Variants in DLGAP1 observed in about 807,000 individuals in gnomAD.
The protein encoded by DLGAP1 is DLG associated protein 1.
In DLGAP1, 11 loss-of-function variants were observed where a neutral mutation model predicts 90.8. The observed-to-expected ratio is 0.12, with a 90% confidence interval of 0.08 to 0.20. The LOEUF (loss-of-function observed/expected upper bound fraction) is 0.20. Ranked by LOEUF, DLGAP1 falls within the 10% of genes least tolerant of loss-of-function variation. The pLI is 1.00. For synonymous variants in DLGAP1, 558 were observed against 540.7 expected (o/e 1.03, Z -0.44); for missense variants, 1,050 against 1,333.8 (o/e 0.79, Z 3.31).
At chr18:4,307,015 A>G (rs1368165832) in intron 1 of DLGAP1, among the ~76,000 whole-genome samples, 1 of 152,232 alleles carries the variant, frequency 6.6e-6, no homozygotes, top group Non-Finnish European at 1.5e-5. Flanking sequence ...AATCACAAGA[A>G]ACACAAATAA....
intron 1 of DLGAP1, among the ~76,000 whole-genome samples, chr18:4,162,164 T>C (rs2076857278): frequency 6.6e-6 from 1 of 152,156 alleles, no homozygotes; most frequent in African/African-American, 2.4e-5. Flanking sequence ...AATGGCAGAA[T>C]GGAACAAACT....
intron 3 of DLGAP1, among the ~76,000 whole-genome samples, chr18:3,962,655 T>C (rs1281022356): frequency 3.3e-5 from 5 of 152,180 alleles, no homozygotes; most frequent in Non-Finnish European, 7.4e-5. Flanking sequence ...TACATCACTC[T>C]TCCCATTCTT....
At chr18:4,335,064 C>G (rs542632472) in intron 1 of DLGAP1, among the ~76,000 whole-genome samples, 1 of 152,002 alleles carries the variant, frequency 6.6e-6, no homozygotes, top group East Asian at 1.9e-4. Flanking sequence ...AAGAATCTCT[C>G]TTTAAGAATT....
chr18:3,649,626 T>A (rs754589105), intron 7 of DLGAP1, among the ~76,000 whole-genome samples: 49 of 152,274 alleles, frequency 3.2e-4, no homozygotes, highest in Middle Eastern at 6.8e-3. Context: ...TTTTATTGGC[T>A]AGGACACTGA....
chr18:4,437,572 T>C (rs1055568663), intron 1 of DLGAP1, among the ~76,000 whole-genome samples: 1 of 152,236 alleles, frequency 6.6e-6, no homozygotes, highest in African/African-American at 2.4e-5. Flanking sequence ...AAAAAAAAGT[T>C]TGTCCATGTT....
Position 3,591,155 on chromosome 18 carries a change from A to ACCT in DLGAP1, c.1592-8908_1592-8907insAGG, listed in dbSNP as rs1288798157. 1.3e-3 allele frequency among the ~76,000 whole-genome samples: 196 copies of ACCT among 152,302 alleles called. 1 individual carries two copies. Among genetic ancestry groups the ACCT allele is most frequent in the Non-Finnish European group, 2.1e-3 (145 of 68,018 alleles). ...AAAAGAACATTTGCAAATCCAGGGA[A>ACCT]CAGGGCAGAGGTAGTACAAGTGAGA... On this transcript the variant is annotated intron_variant, in intron 7 of 12. Coordinates refer to ENST00000315677, the MANE Select transcript of DLGAP1 (RefSeq NM_004746.4).
chr18:4,336,732 G>A (rs571781329), intron 1 of DLGAP1, among the ~76,000 whole-genome samples: 4 of 152,044 alleles, frequency 2.6e-5, no homozygotes, highest in Admixed American at 2.0e-4. Flanking sequence ...GACATGTATC[G>A]AACAAAGGAG....
At chr18:3,666,506 C>G (rs139511205) in intron 7 of DLGAP1, among the ~76,000 whole-genome samples, 19 of 152,262 alleles carry the variant, frequency 1.2e-4, no homozygotes, top group African/African-American at 4.6e-4. Flanking sequence ...CCATGGAACA[C>G]CTACCAATCC....
chr18:3,931,318 G>A (rs1341944630), intron 3 of DLGAP1, among the ~76,000 whole-genome samples: 1 of 152,176 alleles, frequency 6.6e-6, no homozygotes, highest in African/African-American at 2.4e-5. Context: ...GCTGGTGGAA[G>A]CTGGGGAAGG....
At chr18:4,432,492 A>ATTT (rs1567918095) in intron 1 of DLGAP1, among the ~76,000 whole-genome samples, 2 of 151,336 alleles carry the variant, frequency 1.3e-5, no homozygotes, top group Admixed American at 6.6e-5. Flanking sequence ...AAATTTTTTT[A>ATTT]AAAATTATAT....
intron 11 of DLGAP1, among the ~76,000 whole-genome samples, chr18:3,508,159 T>G (rs1463289417): frequency 6.6e-6 from 1 of 152,196 alleles, no homozygotes; most frequent in Non-Finnish European, 1.5e-5. Context: ...GAACTCAGAT[T>G]AGGAAATAGT....
chr18:3,527,759 T>G (rs2051740005), intron 10 of DLGAP1, among the ~76,000 whole-genome samples: 1 of 151,826 alleles, frequency 6.6e-6, no homozygotes, highest in Non-Finnish European at 1.5e-5. Context: ...CCTGCCTAAT[T>G]AAAAAAATAT....
chr18:3,736,934 G>T (rs866515622), intron 6 of DLGAP1, among the ~76,000 whole-genome samples: 1 of 149,456 alleles, frequency 6.7e-6, no homozygotes, highest in African/African-American at 2.5e-5. Flanking sequence ...AATGATAAAG[G>T]GGATATCACC....
At chr18:4,408,823 C>T (rs973483699) in intron 1 of DLGAP1, among the ~76,000 whole-genome samples, 1 of 152,062 alleles carries the variant, frequency 6.6e-6, no homozygotes, top group Admixed American at 6.6e-5. Context: ...AAATCATATA[C>T]TCAAAAGCAG....
chr18:3,954,354 C>T (rs912823900), intron 3 of DLGAP1, among the ~76,000 whole-genome samples: 2 of 152,094 alleles, frequency 1.3e-5, no homozygotes, highest in Admixed American at 1.3e-4. Flanking sequence ...TACTAAGCTG[C>T]CAAAACAGGA....
chr18:4,364,589 G>C (rs980469858), intron 1 of DLGAP1, among the ~76,000 whole-genome samples: 1 of 151,714 alleles, frequency 6.6e-6, no homozygotes, highest in African/African-American at 2.4e-5. Flanking sequence ...AAAATGTGTA[G>C]TTTAAAAAAA....
At chr18:4,370,392 G>C (rs2081890097) in intron 1 of DLGAP1, among the ~76,000 whole-genome samples, 2 of 152,182 alleles carry the variant, frequency 1.3e-5, no homozygotes, top group South Asian at 4.1e-4. Flanking sequence ...AGTCAAGGTG[G>C]AAATAGAGAT....
chr18:4,293,031 C>T lies in DLGAP1; in HGVS notation c.-266-141744G>A, dbSNP rs547565351. Reference sequence around the variant, plus strand: ...TAGCTAAGGCTGTGATTACAATACGCACAGTGTTCCAAAGAACACAAGGAA... The same window carrying T: ...TAGCTAAGGCTGTGATTACAATACGTACAGTGTTCCAAAGAACACAAGGAA... On this transcript the variant is annotated intron_variant, in intron 1 of 12. Transcript: ENST00000315677. The T allele has an allele frequency of 1.3e-4, 20 of 152,278 alleles. No individual in the cohort carries two copies. The South Asian group carries it at 4.1e-3, about 32-fold the overall frequency. 9.4% of individuals were successfully genotyped at this position (152,278 alleles called of 1,614,324 possible). A position where few individuals can be genotyped will look rare whatever the true frequency, so the allele number is the denominator to read the frequency against.
chr18:3,622,471 C>T (rs2058131768), intron 7 of DLGAP1, among the ~76,000 whole-genome samples: 1 of 152,134 alleles, frequency 6.6e-6, no homozygotes, highest in Non-Finnish European at 1.5e-5. Flanking sequence ...GTTACTCTCT[C>T]AAAGATTGGC....
Sources: allele counts gnomAD v4.1 joint callset (sites outside exome capture counted in the v4.1 genomes callset), GRCh38; gene constraint gnomAD v4.1.1; transcripts MANE v1.5; gene names NCBI Gene and HGNC (gene_info 2026-07-23, HGNC 2026-07-21).